The following HPS5 variants were observed in gnomAD, a reference collection of about 807,000 sequenced individuals.
HPS5 encodes the protein BLOC-2 complex member HPS5.
In HPS5, 83 loss-of-function variants were observed where a neutral mutation model predicts 128.0. The ratio of observed to expected loss-of-function variants is 0.65; its 90% CI spans 0.54 to 0.78. HPS5 has a LOEUF of 0.78. Ranked by LOEUF, HPS5 falls within the 30% of genes least tolerant of loss-of-function variation. The probability of loss-of-function intolerance (pLI) is 0.00; values close to 1 mark genes in which losing one functional copy is unlikely to be tolerated. For synonymous variants in HPS5, 475 were observed against 470.2 expected, an observed-to-expected ratio of 1.01 and a Z score of -0.13; for missense variants, 1,281 against 1,326.2, an observed-to-expected ratio of 0.97 and a Z score of 0.53.
chr11:18,280,360 T>C (rs1185189166), intron 22 of HPS5: 12 of 565,822 alleles, frequency 2.1e-5, no homozygotes, highest in Non-Finnish European at 3.7e-5. Context: ...ATAGCTACTG[T>C]TTAACAAAAA....
intron 6 of HPS5, among the ~76,000 whole-genome samples, chr11:18,308,309 A>G (rs1862590325): frequency 6.6e-6 from 1 of 152,194 alleles, no homozygotes. Context: ...AATTCTATTA[A>G]AATAAAACAA....
intron 10 of HPS5, among the ~76,000 whole-genome samples, chr11:18,298,378 G>A (rs1028262423): frequency 2.6e-5 from 4 of 151,754 alleles, no homozygotes; most frequent in East Asian, 2.0e-4. Flanking sequence ...GCCTGTAGTC[G>A]CAGCTACTCA....
intron 9 of HPS5, 107 bp downstream of exon 9, chr11:18,300,720 AG>A: frequency 9.3e-6 from 5 of 536,714 alleles, no homozygotes; most frequent in South Asian, 2.0e-5. Context: ...AAAAAAAAAA[AG>A]TCATCCCATC....
chr11:18,285,031 A>G (rs888047278), intron 20 of HPS5, among the ~76,000 whole-genome samples: 2 of 152,108 alleles, frequency 1.3e-5, no homozygotes, highest in African/African-American at 4.8e-5. Flanking sequence ...AAGTCTATCA[A>G]TTATAATTGG....
Position 18,297,471 on chromosome 11 carries a change from C to T in HPS5, c.1323+88G>A. 3.9e-6 allele frequency: 5 copies of T among 1,288,156 alleles called. No individual in the cohort carries two copies. In the South Asian group the frequency reaches 4.9e-5, roughly 13 times the overall value. 79.8% of individuals were successfully genotyped at this position (1,288,156 alleles called of 1,614,324 possible). ...CAAAAAACATAAATGGAAAGGACAA[C>T]AAATTTGGGGATCCTAGAGGTAAAT... On this transcript the variant is annotated intron_variant, in intron 11 of 22. Coordinates refer to ENST00000349215, the MANE Select transcript of HPS5 (RefSeq NM_181507.2).
chr11:18,299,405 G>A (rs896239534), intron 9 of HPS5, among the ~76,000 whole-genome samples: 1 of 152,194 alleles, frequency 6.6e-6, no homozygotes, highest in African/African-American at 2.4e-5. Flanking sequence ...AGAGTATCCT[G>A]AAAGGACTTA....
At position 18,279,573 on chromosome 11, in the gene HPS5, T is replaced by A; in HGVS notation, c.*309A>T. On this transcript the variant is annotated 3_prime_UTR_variant, in exon 23 of 23. Transcript: ENST00000349215. The stretch of plus-strand genomic sequence containing the variant: ...GTCTAATCCACTAGCAACAAGCAGT[T>A]AATACTGTAGTTCGGAATAATACTA... 1 of 395,932 alleles carries A rather than the reference T, an allele frequency of 2.5e-6. No individual in the cohort carries two copies. Among genetic ancestry groups the A allele is most frequent in the Non-Finnish European group, 4.7e-6 (1 of 213,934 alleles). The allele number at this position is 395,932 out of a possible 1,614,324, so 24.5% of individuals were successfully genotyped here.
At chr11:18,322,159 T>C (rs886048086), upstream of HPS5, 2 of 152,322 alleles carry the variant, frequency 1.3e-5, no homozygotes, top group Non-Finnish European at 2.9e-5. Context: ...AACGTGAACT[T>C]CAGTCTCCCC....
intron 8 of HPS5, among the ~76,000 whole-genome samples, chr11:18,302,621 G>A (rs1861828148): frequency 6.6e-6 from 1 of 151,924 alleles, no homozygotes; most frequent in South Asian, 2.1e-4. Flanking sequence ...ACTAAAAATG[G>A]TTCCATGTGG....
At chr11:18,315,250 G>A (rs752279741) in intron 2 of HPS5, among the ~76,000 whole-genome samples, 25 of 152,126 alleles carry the variant, frequency 1.6e-4, no homozygotes, top group Non-Finnish European at 2.2e-4. Flanking sequence ...ACCTTGTCTC[G>A]TTTCCACCTC....
chr11:18,287,332 T>A (rs1403322725), intron 18 of HPS5, among the ~76,000 whole-genome samples: 1 of 152,200 alleles, frequency 6.6e-6, no homozygotes, highest in African/African-American at 2.4e-5. Context: ...TGAGAGGCAG[T>A]GAAGAAGTGT....
chr11:18,289,548 T>C (rs1326801991), intron 16 of HPS5, among the ~76,000 whole-genome samples: 1 of 152,092 alleles, frequency 6.6e-6, no homozygotes, highest in Non-Finnish European at 1.5e-5. Flanking sequence ...TTGTTTCTTA[T>C]TTCACACAAA....
At position 18,295,068 on chromosome 11, in the gene HPS5, C is replaced by G. The variant is rs1305026726; in HGVS notation, c.1736G>C (p.Cys579Ser). The G allele has an allele frequency of 6.2e-7, 1 of 1,614,202 alleles. No individual in the cohort carries two copies. Among genetic ancestry groups the G allele is most frequent in the Non-Finnish European group, 8.5e-7 (1 of 1,180,032 alleles). Residue 579 changes from cysteine to serine, a missense_variant, in exon 14 of 23, where the codon TGT becomes TCT. By Grantham distance (112) the Cys-to-Ser change is moderately radical. Transcript: ENST00000349215. Reference protein sequence around the residue: ...RPELRGDEQSCEEDVSSDTCP... With the variant: ...RPELRGDEQSSEEDVSSDTCP... ...GGTATCTGAACTCACATCCTCTTCA[C>G]ATGATTGCTCATCACCCCTGAGCTC...
intron 1 of HPS5, among the ~76,000 whole-genome samples, chr11:18,319,595 A>C (rs898527771): frequency 3.3e-5 from 5 of 152,194 alleles, no homozygotes; most frequent in Non-Finnish European, 5.9e-5. Context: ...CCAAGTTACA[A>C]AACACTTTGA....
At chr11:18,284,987 C>A (rs1356451667) in intron 20 of HPS5, among the ~76,000 whole-genome samples, 1 of 151,960 alleles carries the variant, frequency 6.6e-6, no homozygotes, top group African/African-American at 2.4e-5. Context: ...CTATTGAGCC[C>A]ATTTTGATCT....
chr11:18,283,125 T>A (rs543126314), intron 21 of HPS5, among the ~76,000 whole-genome samples: 86 of 152,112 alleles, frequency 5.7e-4, no homozygotes, highest in African/African-American at 2.0e-3. Context: ...CCTCAGCCTC[T>A]CAAGTAGCTG....
intron 20 of HPS5, among the ~76,000 whole-genome samples, chr11:18,284,715 C>T (rs1465421345): frequency 6.6e-6 from 1 of 152,132 alleles, no homozygotes; most frequent in Non-Finnish European, 1.5e-5. Context: ...TAGATATAGA[C>T]ATTATGAGGG....
At position 18,321,079 on chromosome 11, in the gene HPS5, C is replaced by T. The variant is rs112379559; in HGVS notation, c.-50+867G>A. Among the ~76,000 whole-genome samples, 119 of 152,270 alleles carry T rather than the reference C, an allele frequency of 7.8e-4. 1 individual carries two copies. Among genetic ancestry groups the T allele is most frequent in the African/African-American group, 2.6e-3 (109 of 41,550 alleles). ...AGAATGCTGATAATTGTTCAAGTTG[C>T]GTTAAGTGTACATGAGGGTTCAATT... is the stretch of plus-strand genomic sequence containing the variant. On this transcript the variant is annotated intron_variant, in intron 1 of 22. Coordinates refer to ENST00000349215, the MANE Select transcript of HPS5 (RefSeq NM_181507.2).
chr11:18,295,134 A>G lies in HPS5; in HGVS notation c.1670T>C (p.Ile557Thr). 1.2e-6 allele frequency: 2 copies of G among 1,614,186 alleles called. No individual in the cohort carries two copies. The highest frequency in any genetic ancestry group is 1.7e-6 in the Non-Finnish European group (2 of 1,180,016). ...ATCAGGGCTCGTGTGAAGGGTGCCA[A>G]TCTTCTCAGTAGTTTTACGCACAAA... ...SSFVRKTTEK[I>T]GTLHTSPDLK... Residue 557 changes from isoleucine (I) to threonine (T), a missense_variant, in exon 14 of 23, where the codon ATT (isoleucine) becomes ACT (threonine). Physicochemically the swap from Ile to Thr is moderately conservative, Grantham distance 89. Coordinates refer to ENST00000349215, the MANE Select transcript of HPS5 (RefSeq NM_181507.2).
Sources: gnomAD v4.1 joint callset for allele counts (sites outside exome capture counted in the v4.1 genomes callset) on GRCh38, gnomAD v4.1.1 for gene constraint, MANE v1.5 for transcripts, NCBI Gene and HGNC (gene_info 2026-07-23, HGNC 2026-07-21) for gene names.